Variants in PEX5L observed in about 807,000 individuals in gnomAD.
PEX5L encodes PEX5-related protein.
In PEX5L, 30 loss-of-function variants were observed where a neutral mutation model predicts 84.0. The ratio of observed to expected loss-of-function variants is 0.36; its 90% confidence interval spans 0.27 to 0.48. The LOEUF is 0.48. PEX5L is among the 20% of genes least tolerant of loss of function. The pLI, the probability that PEX5L is intolerant of heterozygous loss-of-function variation, is 0.99. For missense variants in PEX5L, 533 were observed against 754.6 expected, an observed-to-expected ratio of 0.71 and a Z score of 3.44; for synonymous variants, 270 against 283.1, an observed-to-expected ratio of 0.95 and a Z score of 0.46.
intron 2 of PEX5L, among the ~76,000 whole-genome samples, chr3:179,950,038 C>A (rs1778658157): frequency 1.3e-5 from 2 of 152,142 alleles, no homozygotes; most frequent in East Asian, 3.9e-4. Context: ...AAAGGACCGG[C>A]CTATTGGTAC....
At chr3:179,940,316 G>A (rs1172957784) in intron 2 of PEX5L, among the ~76,000 whole-genome samples, 1 of 151,890 alleles carries the variant, frequency 6.6e-6, no homozygotes, top group Non-Finnish European at 1.5e-5. Context: ...AGAGAAAGCT[G>A]GGAAGAGAAA....
intron 2 of PEX5L, among the ~76,000 whole-genome samples, chr3:179,955,811 C>A (rs1166481228): frequency 6.6e-6 from 1 of 151,990 alleles, no homozygotes; most frequent in African/African-American, 2.4e-5. Flanking sequence ...AATAATCACT[C>A]AAAAAACCCA....
chr3:179,815,225 CA>C (rs1725568579), intron 10 of PEX5L, among the ~76,000 whole-genome samples: 1 of 152,214 alleles, frequency 6.6e-6, no homozygotes, highest in African/African-American at 2.4e-5. Context: ...GGGTGATGTA[CA>C]GTGTGACACA....
chr3:180,017,017 A>C (rs370496926), intron 1 of PEX5L, among the ~76,000 whole-genome samples: 133 of 152,326 alleles, frequency 8.7e-4, no homozygotes, highest in African/African-American at 3.1e-3. Flanking sequence ...TTATTTATGA[A>C]GTTATATTTT....
intron 7 of PEX5L, among the ~76,000 whole-genome samples, chr3:179,863,390 G>A (rs554758186): frequency 1.3e-4 from 20 of 151,930 alleles, no homozygotes; most frequent in Middle Eastern, 3.4e-3. Context: ...CAATCAAGAC[G>A]ACAAAGAAAC....
At chr3:179,940,605 A>AGAG (rs1775821338) in intron 2 of PEX5L, among the ~76,000 whole-genome samples, 1 of 152,128 alleles carries the variant, frequency 6.6e-6, no homozygotes, top group South Asian at 2.1e-4. Context: ...GGCTCCAGTT[A>AGAG]TATACTGGAC....
Position 179,808,399 on chromosome 3 carries a change from G to C in PEX5L, c.1391C>G (p.Ala464Gly). 1 of 1,575,970 alleles carries C rather than the reference G, an allele frequency of 6.3e-7. No homozygotes were observed. Among genetic ancestry groups the C allele is most frequent in the Non-Finnish European group, 8.6e-7 (1 of 1,163,436 alleles). The part of the protein sequence containing the change: ...LEGVKELYLE[A>G]AHQNGDMIDP... Reference sequence around the variant, plus strand: ...GATCATATCTCCATTTTGGTGGGCAGCTTCCAGATATAATTCCTTCACCCC... The same window carrying C: ...GATCATATCTCCATTTTGGTGGGCACCTTCCAGATATAATTCCTTCACCCC... Residue 464 changes from alanine to glycine, a missense_variant, in exon 13 of 15, where the codon GCT becomes GGT. Physicochemically the swap from Ala to Gly is moderately conservative, Grantham distance 60 (BLOSUM62 0). This residue lies in a region of PEX5L where 63 missense variants were observed against 60.2 expected (regional missense o/e 1.05). Coordinates refer to ENST00000467460, the MANE Select transcript of PEX5L (RefSeq NM_016559.3).
intron 2 of PEX5L, among the ~76,000 whole-genome samples, chr3:179,950,982 A>G (rs1478013480): frequency 6.6e-6 from 1 of 152,220 alleles, no homozygotes; most frequent in African/African-American, 2.4e-5. Context: ...GAACTCTACA[A>G]GATGTAAGTC....
At chr3:179,824,945 T>C (rs1013864619) in intron 8 of PEX5L, among the ~76,000 whole-genome samples, 2 of 152,128 alleles carry the variant, frequency 1.3e-5, no homozygotes, top group African/African-American at 2.4e-5. Context: ...TAGTTGAAGA[T>C]TTTATGTGGC....
intron 2 of PEX5L, among the ~76,000 whole-genome samples, chr3:179,961,480 A>C (rs1164241072): frequency 6.6e-6 from 1 of 152,140 alleles, no homozygotes; most frequent in Admixed American, 6.6e-5. Context: ...AGCAGAGAAG[A>C]AAAGACATGC....
intron 1 of PEX5L, 101 bp from the exon 2 acceptor site, chr3:179,971,766 C>G: frequency 8.8e-7 from 1 of 1,141,434 alleles, no homozygotes; most frequent in Non-Finnish European, 1.2e-6. Context: ...CCTTGTTCAC[C>G]AGTCATAATG....
chr3:179,949,444 C>T (rs912701109), intron 2 of PEX5L, among the ~76,000 whole-genome samples: 1 of 152,118 alleles, frequency 6.6e-6, no homozygotes, highest in Non-Finnish European at 1.5e-5. Context: ...CCTAGTATTC[C>T]ATAATATGTA....
chr3:180,022,025 T>TTGATTCTGGCTTCTTAC (rs11275739), intron 1 of PEX5L, among the ~76,000 whole-genome samples: 1 of 152,058 alleles, frequency 6.6e-6, no homozygotes, highest in Non-Finnish European at 1.5e-5. Context: ...CTATTACTTA[T>TTGATTCTGGCTTCTTAC]TGATTCTGAA....
At chr3:179,923,692 A>T (rs1019229115) in intron 2 of PEX5L, among the ~76,000 whole-genome samples, 1 of 152,242 alleles carries the variant, frequency 6.6e-6, no homozygotes, top group Non-Finnish European at 1.5e-5. Context: ...TAGTAGCAGT[A>T]TGACTATAGA....
chr3:179,961,336 T>C (rs1413022770), intron 2 of PEX5L, among the ~76,000 whole-genome samples: 1 of 143,408 alleles, frequency 7.0e-6, no homozygotes, highest in Non-Finnish European at 1.5e-5. Context: ...AGAGTTGTTT[T>C]GGAGAAAAGG....
At position 180,036,711 on chromosome 3, in the gene PEX5L, G is replaced by T; in HGVS notation, c.-112C>A. ...GGTGCACAGCGGGTTCTCAGAGGGTGCTCCTGAGCCCCCTGGAGCTCCGGG... is the reference window on the plus strand; with the variant it reads ...GGTGCACAGCGGGTTCTCAGAGGGTTCTCCTGAGCCCCCTGGAGCTCCGGG... On this transcript the variant is annotated 5_prime_UTR_variant, in exon 1 of 15. Coordinates refer to ENST00000467460, the MANE Select transcript of PEX5L (RefSeq NM_016559.3). 1 of 1,201,374 alleles carries T rather than the reference G, an allele frequency of 8.3e-7. No individual in the cohort carries two copies. The highest frequency in any genetic ancestry group is 1.2e-6 in the Non-Finnish European group (1 of 806,030). 74.4% of individuals were successfully genotyped at this position (1,201,374 alleles called of 1,614,324 possible). A position where few individuals can be genotyped will look rare whatever the true frequency, so the allele number is the denominator to read the frequency against.
At chr3:180,006,025 T>C (rs979177951) in intron 1 of PEX5L, among the ~76,000 whole-genome samples, 2 of 152,244 alleles carry the variant, frequency 1.3e-5, no homozygotes, top group African/African-American at 2.4e-5. Flanking sequence ...CCTGCTATTG[T>C]TATTAATTCA....
At chr3:179,948,853 T>A (rs977938488) in intron 2 of PEX5L, among the ~76,000 whole-genome samples, 2 of 152,268 alleles carry the variant, frequency 1.3e-5, no homozygotes, top group African/African-American at 4.8e-5. Flanking sequence ...TTAACAGAAT[T>A]GTATGAACTG....
At chr3:179,890,946 T>C (rs187887468) in intron 3 of PEX5L, among the ~76,000 whole-genome samples, 5 of 151,988 alleles carry the variant, frequency 3.3e-5, no homozygotes, top group African/African-American at 1.2e-4. Flanking sequence ...TGGGCCTGTC[T>C]GCTTTACCAA....
Sources: allele counts gnomAD v4.1 joint callset (sites outside exome capture counted in the v4.1 genomes callset), GRCh38; gene constraint gnomAD v4.1.1; regional missense constraint gnomAD v4.1.1; transcripts MANE v1.5; gene names NCBI Gene and HGNC (gene_info 2026-07-23, HGNC 2026-07-21).